Variants in PRKN observed in about 807,000 individuals in gnomAD.
The protein encoded by PRKN is E3 ubiquitin-protein ligase parkin.
PRKN carries 56 observed loss-of-function variants against 59.5 expected under a neutral mutation model. The observed-to-expected ratio is 0.94, with a 90% CI of 0.76 to 1.18. The LOEUF (loss-of-function observed/expected upper bound fraction) is 1.18. PRKN is among the 50% of genes most tolerant of loss of function. PRKN has a pLI of 0.00. For missense variants in PRKN, 657 were observed against 596.4 expected (o/e 1.10, Z -1.06); for synonymous variants, 250 against 222.1 (o/e 1.13, Z -1.12).
chr6:161,598,160 A>G (rs773174670), intron 7 of PRKN, among the ~76,000 whole-genome samples: 1 of 152,234 alleles, frequency 6.6e-6, no homozygotes, highest in Non-Finnish European at 1.5e-5. Context: ...TTGAATGAAT[A>G]GATAAATTAG....
chr6:161,870,062 G>A (rs1794281301), intron 6 of PRKN, among the ~76,000 whole-genome samples: 1 of 152,100 alleles, frequency 6.6e-6, no homozygotes, highest in African/African-American at 2.4e-5. Flanking sequence ...ATGTATTGAG[G>A]GTAGAGGATA....
At chr6:161,826,935 C>A (rs1292864923) in intron 6 of PRKN, among the ~76,000 whole-genome samples, 1 of 152,122 alleles carries the variant, frequency 6.6e-6, no homozygotes, top group Non-Finnish European at 1.5e-5. Flanking sequence ...ATTGGCAGGA[C>A]AAGAATATAG....
chr6:161,423,933 G>A lies in PRKN; in HGVS notation c.1084-37056C>T, dbSNP rs1788215944. On this transcript the variant is annotated intron_variant, in intron 9 of 11. Coordinates refer to ENST00000366898, the MANE Select transcript of PRKN (RefSeq NM_004562.3). The surrounding 1 kb of genome is among the most constrained non-coding windows in gnomAD (Gnocchi z 5.9). ...TTCTGGTGATTTTCTAAAGTCTACA[G>A]ACAAGAAAAGCACTGGCCAATGAAG... Among the ~76,000 whole-genome samples, 1 of 152,168 alleles carries A rather than the reference G, an allele frequency of 6.6e-6. No individual in the cohort carries two copies. Among genetic ancestry groups the A allele is most frequent in the African/African-American group, 2.4e-5 (1 of 41,430 alleles).
rs1785002137 is a variant in PRKN at position 161,362,198 on chromosome 6, G to C, written c.1168-1993C>G. Among the ~76,000 whole-genome samples the C allele has an allele frequency of 6.6e-6, 1 of 152,112 alleles. No homozygotes were observed. Among genetic ancestry groups the C allele is most frequent in the South Asian group, 2.1e-4 (1 of 4,816 alleles). ...GCATGTGAAGGGCAATTTCTCCCAG[G>C]TCCACACACCTAAAAATGCTGGATC... is the stretch of plus-strand genomic sequence containing the variant. On this transcript the variant is annotated intron_variant, in intron 10 of 11. Transcript: ENST00000366898. This position sits in a 1 kb window ranked among gnomAD's most constrained non-coding sequence, Gnocchi z 5.2.
intron 9 of PRKN, among the ~76,000 whole-genome samples, chr6:161,394,939 G>A (rs935255119): frequency 1.3e-5 from 2 of 152,188 alleles, no homozygotes; most frequent in Admixed American, 1.3e-4. Context: ...TTAAAAATGT[G>A]TATTGGCCAT....
chr6:161,427,049 A>C (rs1395593374), intron 9 of PRKN, among the ~76,000 whole-genome samples: 1 of 149,864 alleles, frequency 6.7e-6, no homozygotes, highest in African/African-American at 2.5e-5. Context: ...ACAGGGTTTT[A>C]CTCTGGTCCA....
At chr6:161,946,329 T>G (rs1168146775) in intron 6 of PRKN, among the ~76,000 whole-genome samples, 1 of 150,766 alleles carries the variant, frequency 6.6e-6, no homozygotes, top group Admixed American at 6.6e-5. Context: ...TGGCTTAGAA[T>G]CTTTAGGAGA....
chr6:161,597,476 T>C (rs1781956351), intron 7 of PRKN, among the ~76,000 whole-genome samples: 1 of 152,180 alleles, frequency 6.6e-6, no homozygotes, highest in South Asian at 2.1e-4. Context: ...CTGTGACATG[T>C]AAAGGCTCAT....
chr6:161,779,566 T>A (rs1790115991), intron 7 of PRKN, among the ~76,000 whole-genome samples: 1 of 149,330 alleles, frequency 6.7e-6, no homozygotes, highest in African/African-American at 2.5e-5. Flanking sequence ...TGTCTCAGCC[T>A]CCCCAGTAGC....
At chr6:162,008,333 G>A (rs1019551648) in intron 5 of PRKN, among the ~76,000 whole-genome samples, 1 of 152,130 alleles carries the variant, frequency 6.6e-6, no homozygotes, top group Non-Finnish European at 1.5e-5. Context: ...TCGTGCCCCG[G>A]GGGCCCCAGG....
In PRKN at chr6:161,386,368, C is replaced by A. The variant is rs1030529266; in HGVS notation, c.1167+426G>T. Among the ~76,000 whole-genome samples, 3 of 152,192 alleles carry A rather than the reference C, an allele frequency of 2.0e-5. No individual in the cohort carries two copies. Among genetic ancestry groups the A allele is most frequent in the African/African-American group, 7.2e-5 (3 of 41,442 alleles). ...TGATGCTGCTAAAGGACAATGATATCCTTACATAATGTCATCTTTCTGTAC... is the reference window on the plus strand; with the variant it reads ...TGATGCTGCTAAAGGACAATGATATACTTACATAATGTCATCTTTCTGTAC... On this transcript the variant is annotated intron_variant, in intron 10 of 11. Transcript: ENST00000366898. This position sits in a 1 kb window ranked among gnomAD's most constrained non-coding sequence, Gnocchi z 4.3.
chr6:161,352,172 T>G lies in PRKN; in HGVS notation c.1286-1961A>C, dbSNP rs1784574932. 1.3e-5 allele frequency among the ~76,000 whole-genome samples: 2 copies of G among 152,210 alleles called. No homozygotes were observed. On this transcript the variant is annotated intron_variant, in intron 11 of 11. Coordinates refer to ENST00000366898, the MANE Select transcript of PRKN (RefSeq NM_004562.3). This position sits in a 1 kb window ranked among gnomAD's most constrained non-coding sequence, Gnocchi z 5.8. ...TCTTACCAATTATCTTGTTAATTGA[T>G]TTTTCCTGCCAAATTTTCCAAGTAA...
At chr6:162,284,852 T>C (rs939005013) in intron 2 of PRKN, among the ~76,000 whole-genome samples, 1 of 152,094 alleles carries the variant, frequency 6.6e-6, no homozygotes, top group African/African-American at 2.4e-5. Context: ...CTAAATTGTG[T>C]CCCCTCACAA....
chr6:162,711,861 G>A (rs956189463), intron 1 of PRKN, among the ~76,000 whole-genome samples: 8 of 152,130 alleles, frequency 5.3e-5, no homozygotes, highest in Non-Finnish European at 7.4e-5. Flanking sequence ...ACTTTCTTGC[G>A]CAGATCATAT....
intron 4 of PRKN, among the ~76,000 whole-genome samples, chr6:162,081,475 G>A (rs1381763414): frequency 6.6e-6 from 1 of 152,070 alleles, no homozygotes; most frequent in Admixed American, 6.6e-5. Flanking sequence ...GTGACCAGGT[G>A]CACTGGCATT....
intron 6 of PRKN, among the ~76,000 whole-genome samples, chr6:161,836,455 A>G (rs1792760699): frequency 6.6e-6 from 1 of 152,212 alleles, no homozygotes; most frequent in Non-Finnish European, 1.5e-5. Context: ...ACATGCAATC[A>G]ATTTTCAATT....
In PRKN at chr6:161,410,654, T is replaced by C. The variant is rs1367117579; in HGVS notation, c.1084-23777A>G. Among the ~76,000 whole-genome samples the C allele has an allele frequency of 6.6e-6, 1 of 151,896 alleles. No individual in the cohort carries two copies. The highest frequency in any genetic ancestry group is 1.5e-5 in the Non-Finnish European group (1 of 67,990). On this transcript the variant is annotated intron_variant, in intron 9 of 11. Transcript: ENST00000366898. The surrounding 1 kb of genome is among the most constrained non-coding windows in gnomAD (Gnocchi z 5.3). ...CATGCGTTGGTTACAAGGAAGCAGATGGAGTTGGGGAAACATGGAATGGAG... is the reference window on the plus strand; with the variant it reads ...CATGCGTTGGTTACAAGGAAGCAGACGGAGTTGGGGAAACATGGAATGGAG...
At chr6:161,557,146 T>C (rs935962113) in intron 8 of PRKN, among the ~76,000 whole-genome samples, 2 of 152,336 alleles carry the variant, frequency 1.3e-5, no homozygotes, top group Non-Finnish European at 2.9e-5. Context: ...AAAATACATT[T>C]CATTAGTATG....
chr6:161,577,181 A>G (rs2143741), intron 7 of PRKN, among the ~76,000 whole-genome samples: 108,753 of 152,142 alleles, frequency 0.71, 40,344 homozygotes, highest in African/African-American at 0.93. Flanking sequence ...AGTGTTATGC[A>G]TGTAATTCAT....
Sources: allele counts gnomAD v4.1 joint callset (sites outside exome capture counted in the v4.1 genomes callset), GRCh38; gene constraint gnomAD v4.1.1; non-coding constraint Gnocchi (gnomAD v3.1); transcripts MANE v1.5; gene names NCBI Gene and HGNC (gene_info 2026-07-23, HGNC 2026-07-21).